SLC17A6: variants seen among roughly 807,000 people sequenced by gnomAD.
SLC17A6 encodes the protein solute carrier family 17 member 6, also known as vesicular glutamate transporter 2.
A neutral mutation model predicts 67.1 loss-of-function variants in SLC17A6; 35 were observed. The observed-to-expected ratio is 0.52, with a 90% confidence interval of 0.40 to 0.69. The LOEUF (loss-of-function observed/expected upper bound fraction) is 0.69, where lower values mean the gene tolerates loss of function less well. SLC17A6 is among the 30% of genes least tolerant of loss of function. SLC17A6 has a pLI of 0.00. For synonymous variants in SLC17A6, 285 were observed against 252.3 expected, an observed-to-expected ratio of 1.13 and a Z score of -1.23; for missense variants, 588 against 723.9, an observed-to-expected ratio of 0.81 and a Z score of 2.15.
At chr11:22,349,085 C>T (rs1174503560) in intron 3 of SLC17A6, among the ~76,000 whole-genome samples, 1 of 152,092 alleles carries the variant, frequency 6.6e-6, no homozygotes, top group African/African-American at 2.4e-5. Flanking sequence ...CGCTATTGGT[C>T]TGTCTATGTA....
chr11:22,365,823 T>G (rs1279530651), intron 7 of SLC17A6, 134 bp downstream of exon 7: 3 of 914,088 alleles, frequency 3.3e-6, no homozygotes, highest in Non-Finnish European at 4.8e-6. Context: ...TTTTGGTCCA[T>G]CCATATTCTC....
Position 22,341,646 on chromosome 11 carries a change from C to A in SLC17A6, c.205C>A (p.Arg69Ser). The A allele has an allele frequency of 6.2e-7, 1 of 1,614,198 alleles. No individual in the cohort carries two copies. ...CGACTGCACGTGCTTCGGCCTGCCC[C>A]GCCGCTACATTATCGCCATCATGAG... is the stretch of plus-strand genomic sequence containing the variant. ...LCDCTCFGLP[R>S]RYIIAIMSGL... is the part of the protein sequence containing the mutation. The change falls in exon 2 of 12, where the codon CGC becomes AGC. Residue 69 changes from arginine to serine, a missense_variant. Physicochemically the swap from Arg to Ser is moderately radical, Grantham distance 110 (BLOSUM62 -1). This residue lies in a region of SLC17A6 where 117 missense variants were observed against 98.7 expected (regional missense o/e 1.19). Transcript: ENST00000263160.
intron 3 of SLC17A6, among the ~76,000 whole-genome samples, chr11:22,353,792 A>T (rs1212149742): frequency 1.3e-5 from 2 of 152,188 alleles, no homozygotes; most frequent in Non-Finnish European, 2.9e-5. Flanking sequence ...CACTATGTCC[A>T]ACTTTGTCTA....
At chr11:22,353,756 A>G (rs952303677) in intron 3 of SLC17A6, among the ~76,000 whole-genome samples, 6 of 152,204 alleles carry the variant, frequency 3.9e-5, no homozygotes, top group African/African-American at 1.4e-4. Flanking sequence ...TCTACCCTCT[A>G]TAACAAAATG....
At chr11:22,344,217 C>A (rs1026566500) in intron 3 of SLC17A6, among the ~76,000 whole-genome samples, 1 of 152,162 alleles carries the variant, frequency 6.6e-6, no homozygotes, top group Non-Finnish European at 1.5e-5. Context: ...GGTCTTTCTG[C>A]TTAGATACCG....
rs749772458 is a variant in SLC17A6, at chr11:22,374,861, C to A, written c.1148C>A (p.Thr383Lys). 1 of 1,613,286 alleles carries A rather than the reference C, an allele frequency of 6.2e-7. No individual in the cohort carries two copies. The highest frequency in any genetic ancestry group is 1.7e-5 in the Admixed American group (1 of 59,844). The change falls in exon 9 of 12, where the codon ACA becomes AAA. Residue 383 changes from threonine (T) to lysine (K), a missense_variant. By Grantham distance (78) the Thr-to-Lys change is moderately conservative (BLOSUM62 -1). This residue lies in a region of SLC17A6 where 414 missense variants were observed against 563.4 expected (regional missense o/e 0.73). Transcript: ENST00000263160. ...LRSKQILSTTTVRKIMNCGGF... is the reference protein window; with the variant it reads ...LRSKQILSTTKVRKIMNCGGF... ...AGCAAGCAGATTCTTTCAACTACGACAGTGAGAAAGATCATGAATTGTGGT... is the reference window on the plus strand; with the variant it reads ...AGCAAGCAGATTCTTTCAACTACGAAAGTGAGAAAGATCATGAATTGTGGT...
chr11:22,341,414 G>T, intron 1 of SLC17A6, 114 bp from the exon 2 acceptor site: 1 of 1,439,204 alleles, frequency 6.9e-7, no homozygotes, highest in South Asian at 1.3e-5. Flanking sequence ...CGAGGGTGGG[G>T]GGAGGTCGAC....
At chr11:22,350,134 G>A (rs963268546) in intron 3 of SLC17A6, among the ~76,000 whole-genome samples, 2 of 152,092 alleles carry the variant, frequency 1.3e-5, no homozygotes, top group East Asian at 1.9e-4. Context: ...ATTTCAAAGC[G>A]AACTCATTAT....
At chr11:22,369,943 G>C in intron 7 of SLC17A6, 96 bp from the exon 8 acceptor site, 1 of 1,184,408 alleles carries the variant, frequency 8.4e-7, no homozygotes, top group Non-Finnish European at 1.2e-6. Context: ...CTTATGACCT[G>C]TCATATACAT....
At chr11:22,375,358 G>C (rs1856221137) in intron 9 of SLC17A6, among the ~76,000 whole-genome samples, 1 of 151,818 alleles carries the variant, frequency 6.6e-6, no homozygotes, top group African/African-American at 2.4e-5. Flanking sequence ...GGTGACAAGA[G>C]TGAAACTCCG....
chr11:22,342,540 T>A (rs940100975), intron 2 of SLC17A6, among the ~76,000 whole-genome samples: 3 of 152,142 alleles, frequency 2.0e-5, no homozygotes, highest in Non-Finnish European at 4.4e-5. Context: ...ACCTTTCGGA[T>A]GTAAATATTG....
intron 1 of SLC17A6, among the ~76,000 whole-genome samples, chr11:22,340,303 G>A (rs929164317): frequency 2.6e-5 from 4 of 152,202 alleles, no homozygotes; most frequent in African/African-American, 9.7e-5. Flanking sequence ...TCAATCGCAA[G>A]GGGCTACGTA....
chr11:22,374,725 C>T, intron 8 of SLC17A6, 30 bp from the exon 9 acceptor site: 2 of 1,558,592 alleles, frequency 1.3e-6, no homozygotes, highest in South Asian at 1.2e-5. Context: ...ATGGTTATGT[C>T]TATTTCTCTC....
rs1856269044 is a variant in SLC17A6, at chr11:22,379,180, A to ATAAAATT, written c.*1440_*1441insTAAAATT. On this transcript the variant is annotated 3_prime_UTR_variant, in exon 12 of 12. Coordinates refer to ENST00000263160, the MANE Select transcript of SLC17A6 (RefSeq NM_020346.3). ...AAAAGCTAACATCAGACCCCTTTAT[A>ATAAAATT]ATGTCCTAAAATTATGATAATACAT... The ATAAAATT allele has an allele frequency of 6.6e-6, 1 of 152,478 alleles. No individual in the cohort carries two copies. Among genetic ancestry groups the ATAAAATT allele is most frequent in the South Asian group, 2.1e-4 (1 of 4,824 alleles). 9.4% of individuals were successfully genotyped at this position (152,478 alleles called of 1,614,324 possible).
chr11:22,371,282 C>T (rs1429091260), intron 8 of SLC17A6, among the ~76,000 whole-genome samples: 3 of 151,968 alleles, frequency 2.0e-5, no homozygotes, highest in Non-Finnish European at 2.9e-5. Context: ...TTACATAAGT[C>T]CAGCTGGGCT....
chr11:22,376,236 G>T, intron 10 of SLC17A6, 144 bp downstream of exon 10: 1 of 581,326 alleles, frequency 1.7e-6, no homozygotes, highest in East Asian at 3.0e-5. Context: ...ACTAGAAAAT[G>T]AAAAAAATAA....
intron 6 of SLC17A6, among the ~76,000 whole-genome samples, chr11:22,365,210 T>C (rs2133872537): frequency 6.6e-6 from 1 of 152,282 alleles, no homozygotes; most frequent in East Asian, 1.9e-4. Flanking sequence ...TTCATTATAT[T>C]TCTCTCACTT....
Position 22,377,269 on chromosome 11 carries a change from C to T in SLC17A6, c.1414-136C>T, listed in dbSNP as rs1192333259. On this transcript the variant is annotated intron_variant, in intron 11 of 11. Coordinates refer to ENST00000263160, the MANE Select transcript of SLC17A6 (RefSeq NM_020346.3). ...TTACAGAAGTGTTATATAGTTTTTGCTTTACATAATCAGGATATGGATTTT... is the reference window on the plus strand; with the variant it reads ...TTACAGAAGTGTTATATAGTTTTTGTTTTACATAATCAGGATATGGATTTT... 6 of 636,976 alleles carry T rather than the reference C, an allele frequency of 9.4e-6. No homozygotes were observed. In the East Asian group the frequency reaches 1.1e-4, roughly 12 times the overall value. 39.5% of individuals were successfully genotyped at this position (636,976 alleles called of 1,614,324 possible).
chr11:22,365,837 CTT>C, intron 7 of SLC17A6, 148 bp downstream of exon 7: 2 of 795,278 alleles, frequency 2.5e-6, no homozygotes, highest in Non-Finnish European at 1.9e-6. Flanking sequence ...TATTCTCTGA[CTT>C]AGGAATAATA....
Sources: allele counts gnomAD v4.1 joint callset (sites outside exome capture counted in the v4.1 genomes callset), GRCh38; gene constraint gnomAD v4.1.1; regional missense constraint gnomAD v4.1.1; transcripts MANE v1.5; gene names NCBI Gene and HGNC (gene_info 2026-07-23, HGNC 2026-07-21).